RAD51B: variants seen among roughly 807,000 people sequenced by gnomAD.
The protein encoded by RAD51B is RAD51 paralog B, also known as DNA repair protein RAD51 homolog 2.
In RAD51B, 38 loss-of-function variants were observed where a neutral mutation model predicts 42.2. The ratio of observed to expected loss-of-function variants is 0.90; its 90% confidence interval spans 0.70 to 1.18. The LOEUF (loss-of-function observed/expected upper bound fraction) is 1.18. Among genes scored for constraint, RAD51B ranks in the 50% most tolerant of loss-of-function variants. RAD51B has a pLI of 0.00. For synonymous variants in RAD51B, 154 were observed against 145.2 expected, an observed-to-expected ratio of 1.06 and a Z score of -0.43; for missense variants, 373 against 400.7, an observed-to-expected ratio of 0.93 and a Z score of 0.59.
chr14:68,476,898 C>G (rs371585494), intron 10 of RAD51B, among the ~76,000 whole-genome samples: 1 of 152,188 alleles, frequency 6.6e-6, no homozygotes, highest in Non-Finnish European at 1.5e-5. Context: ...CTTTTGACAT[C>G]TCCCCAGCTA....
chr14:67,836,737 T>C (rs2140301089), intron 4 of RAD51B, among the ~76,000 whole-genome samples: 1 of 152,308 alleles, frequency 6.6e-6, no homozygotes, highest in Admixed American at 6.5e-5. Context: ...AGTGCTGGGA[T>C]TACAGGTGTG....
chr14:68,059,910 T>C (rs1199289386), intron 7 of RAD51B, among the ~76,000 whole-genome samples: 1 of 152,244 alleles, frequency 6.6e-6, no homozygotes, highest in Non-Finnish European at 1.5e-5. Flanking sequence ...TTTTCCTCTT[T>C]GTTACAGTTT....
chr14:68,073,412 T>A (rs1314981083), intron 7 of RAD51B, among the ~76,000 whole-genome samples: 1 of 152,198 alleles, frequency 6.6e-6, no homozygotes, highest in African/African-American at 2.4e-5. Flanking sequence ...GCCTTTACTT[T>A]CCCACTGTAT....
chr14:68,352,631 A>G (rs1175629501), intron 8 of RAD51B, among the ~76,000 whole-genome samples: 3 of 152,248 alleles, frequency 2.0e-5, no homozygotes, highest in Non-Finnish European at 4.4e-5. Flanking sequence ...ATGCCTGGGC[A>G]TAGGCCTGGA....
chr14:68,304,997 A>G (rs908816915), intron 8 of RAD51B, among the ~76,000 whole-genome samples: 9 of 152,220 alleles, frequency 5.9e-5, no homozygotes, highest in Admixed American at 3.3e-4. Context: ...ATATTGCCCC[A>G]AAGTATGGAA....
At chr14:68,452,643 A>G (rs2085585411) in intron 9 of RAD51B, among the ~76,000 whole-genome samples, 2 of 152,198 alleles carry the variant, frequency 1.3e-5, no homozygotes, top group African/African-American at 2.4e-5. Flanking sequence ...AGCCTTTAAA[A>G]TGGGGCAAGT....
chr14:68,099,208 G>A (rs1042009284), intron 7 of RAD51B, among the ~76,000 whole-genome samples: 2 of 152,112 alleles, frequency 1.3e-5, no homozygotes, highest in African/African-American at 4.8e-5. Context: ...TTATTTAGAG[G>A]CCCCTAACAG....
At chr14:68,530,286 A>AT (rs200735497) in intron 10 of RAD51B, among the ~76,000 whole-genome samples, 2 of 143,608 alleles carry the variant, frequency 1.4e-5, no homozygotes, top group South Asian at 2.3e-4. Flanking sequence ...TCTACAAAAA[A>AT]TTTAAAAAAA....
intron 10 of RAD51B, among the ~76,000 whole-genome samples, chr14:68,523,443 C>T (rs1259149497): frequency 2.0e-5 from 3 of 152,166 alleles, no homozygotes; most frequent in Non-Finnish European, 1.5e-5. Flanking sequence ...ATTTGATTCA[C>T]TGTGAAGGCA....
rs2080879797 is a variant in RAD51B, at chr14:68,261,119, C to CGAAGA, written c.757-30765_757-30764insGAAGA. 2.6e-5 allele frequency among the ~76,000 whole-genome samples: 4 copies of CGAAGA among 152,350 alleles called. No individual in the cohort carries two copies. In the South Asian group the frequency reaches 8.3e-4, roughly 32 times the overall value. On this transcript the variant is annotated intron_variant, in intron 7 of 10. Coordinates refer to ENST00000471583, the MANE Select transcript of RAD51B (RefSeq NM_133510.4). ...TTGGTCACGAAGACCCTTGCACCTC[C>CGAAGA]TCAAGGCTGTGTGCTGTGGATGTTG...
At chr14:68,593,763 G>A (rs760310919) in intron 10 of RAD51B, among the ~76,000 whole-genome samples, 9 of 152,200 alleles carry the variant, frequency 5.9e-5, no homozygotes, top group Non-Finnish European at 8.8e-5. Flanking sequence ...ACCCAGGGAA[G>A]AAATATTGGT....
At chr14:68,029,921 A>G (rs562602968) in intron 7 of RAD51B, among the ~76,000 whole-genome samples, 1 of 152,252 alleles carries the variant, frequency 6.6e-6, no homozygotes, top group South Asian at 2.1e-4. Context: ...TGAAACTGCT[A>G]TTAATCCCCT....
Position 68,127,604 on chromosome 14 carries a change from A to AACACACACAC in RAD51B, c.757-164238_757-164229dup, listed in dbSNP as rs1158570155. Among the ~76,000 whole-genome samples, 285 of 133,620 alleles carry AACACACACAC rather than the reference A, an allele frequency of 2.1e-3. 4 individuals carry two copies. Among genetic ancestry groups the AACACACACAC allele is most frequent in the South Asian group, 0.015 (58 of 3,782 alleles). The allele number at this position is 133,620 out of a possible 152,430, so 87.7% of individuals were successfully genotyped here. On this transcript the variant is annotated intron_variant, in intron 7 of 10. Transcript: ENST00000471583. ...TTCATAAATAACAATTGTACATTGT[A>AACACACACAC]ACACACACACACACACACACACACA... is the stretch of plus-strand genomic sequence containing the variant.
At chr14:68,449,907 T>C (rs759400294) in intron 9 of RAD51B, among the ~76,000 whole-genome samples, 5 of 152,182 alleles carry the variant, frequency 3.3e-5, no homozygotes, top group African/African-American at 4.8e-5. Flanking sequence ...AGAAAACTCA[T>C]GTGGGCTCTT....
At chr14:67,821,754 G>A (rs987237046) in intron 1 of RAD51B, among the ~76,000 whole-genome samples, 1 of 152,022 alleles carries the variant, frequency 6.6e-6, no homozygotes, top group African/African-American at 2.4e-5. Context: ...GAGCTACCTT[G>A]TGTGGCCTAT....
intron 7 of RAD51B, among the ~76,000 whole-genome samples, chr14:68,142,448 TTTTCATTCTTTATGTTTTTC>T (rs1196900280): frequency 6.6e-6 from 1 of 152,228 alleles, no homozygotes. Context: ...TGCAAGTAAC[TTTTCATTCTTTATGTTTTTC>T]TTTCTTTCAA....
intron 7 of RAD51B, among the ~76,000 whole-genome samples, chr14:68,235,818 G>C (rs973463337): frequency 6.6e-6 from 1 of 151,254 alleles, no homozygotes; most frequent in African/African-American, 2.4e-5. Flanking sequence ...ATGCTCATCA[G>C]TGGTAGACTG....
chr14:68,666,509 G>A (rs1332225702), intron 11 of RAD51B, among the ~76,000 whole-genome samples: 2 of 152,210 alleles, frequency 1.3e-5, no homozygotes, highest in Non-Finnish European at 2.9e-5. Flanking sequence ...TAAATGTGAG[G>A]AGAGCAGTAC....
intron 7 of RAD51B, among the ~76,000 whole-genome samples, chr14:68,207,209 TACAC>T (rs531785707): frequency 6.6e-6 from 1 of 150,832 alleles, no homozygotes; most frequent in African/African-American, 2.4e-5. Context: ...TGGGGAAAAA[TACAC>T]ACACACACAC....
Sources: gnomAD v4.1 joint callset for allele counts (sites outside exome capture counted in the v4.1 genomes callset) on GRCh38, gnomAD v4.1.1 for gene constraint, MANE v1.5 for transcripts, NCBI Gene and HGNC (gene_info 2026-07-23, HGNC 2026-07-21) for gene names.